The following RXRA variants were observed in gnomAD, a reference collection of about 807,000 sequenced individuals.
RXRA encodes retinoic acid receptor RXR-alpha.
RXRA carries 5 observed loss-of-function variants against 44.5 expected under a neutral mutation model. The observed-to-expected ratio is 0.11, with a 90% CI of 0.06 to 0.24. The LOEUF (loss-of-function observed/expected upper bound fraction) is 0.24, where lower values mean the gene tolerates loss of function less well. Ranked by LOEUF, RXRA falls within the 10% of genes least tolerant of loss-of-function variation. The pLI, the probability that RXRA is intolerant of heterozygous loss-of-function variation, is 1.00. For missense variants in RXRA, 412 were observed against 646.5 expected, an observed-to-expected ratio of 0.64 and a Z score of 3.93; for synonymous variants, 291 against 271.4, an observed-to-expected ratio of 1.07 and a Z score of -0.71.
intron 1 of RXRA, among the ~76,000 whole-genome samples, chr9:134,400,181 A>C (rs1830937186): frequency 6.6e-6 from 1 of 152,216 alleles, no homozygotes; most frequent in Non-Finnish European, 1.5e-5. Context: ...CAGGGTGCAC[A>C]GGAGGCAGAT....
intron 1 of RXRA, among the ~76,000 whole-genome samples, chr9:134,337,796 C>A (rs1032295524): frequency 1.3e-5 from 2 of 152,182 alleles, no homozygotes; most frequent in Non-Finnish European, 2.9e-5. Context: ...CAGCAGTGCG[C>A]CTCCCTCTGG....
At position 134,439,588 on chromosome 9, in the gene RXRA, G is replaced by C. The variant is rs1476455000; in HGVS notation, c.*2974G>C. 2 of 152,404 alleles carry C rather than the reference G, an allele frequency of 1.3e-5. No homozygotes were observed. The highest frequency in any genetic ancestry group is 1.3e-4 in the Admixed American group (2 of 15,296). 9.4% of individuals were successfully genotyped at this position (152,404 alleles called of 1,614,324 possible). ...GGCTGGCGGCCTGGTGGCAGTGCTGGAGATGACCCCGAGCCCCTCCCCGTG... is the reference window on the plus strand; with the variant it reads ...GGCTGGCGGCCTGGTGGCAGTGCTGCAGATGACCCCGAGCCCCTCCCCGTG... On this transcript the variant is annotated 3_prime_UTR_variant, in exon 10 of 10. Coordinates refer to ENST00000481739, the MANE Select transcript of RXRA (RefSeq NM_002957.6).
rs528303814 is a variant in RXRA, at chr9:134,407,531, C to G, written c.280-618C>G. ...GCTTGCCCGGGCGGCAGCGTGCGGG[C>G]CGGCGGGTGGGGCGGAGGGGTGTGC... is the stretch of plus-strand genomic sequence containing the variant. On this transcript the variant is annotated intron_variant, in intron 2 of 9. Transcript: ENST00000481739. This position sits in a 1 kb window ranked among gnomAD's most constrained non-coding sequence, Gnocchi z 4.8. Among the ~76,000 whole-genome samples, 15 of 152,314 alleles carry G rather than the reference C, an allele frequency of 9.8e-5. No individual in the cohort carries two copies. The South Asian group carries it at 3.1e-3, about 32-fold the overall frequency.
At chr9:134,333,881 C>G (rs1554746987) in intron 1 of RXRA, among the ~76,000 whole-genome samples, 1 of 152,180 alleles carries the variant, frequency 6.6e-6, no homozygotes, top group Non-Finnish European at 1.5e-5. Flanking sequence ...TGCCGGGACT[C>G]CCGCTGCCTG....
Position 134,417,415 on chromosome 9 carries a change from C to A in RXRA, c.780+88C>A. 1 of 1,467,270 alleles carries A rather than the reference C, an allele frequency of 6.8e-7. No individual in the cohort carries two copies. The highest frequency in any genetic ancestry group is 9.3e-7 in the Non-Finnish European group (1 of 1,079,286). 90.9% of individuals were successfully genotyped at this position (1,467,270 alleles called of 1,614,324 possible). A position where few individuals can be genotyped will look rare whatever the true frequency, so the allele number is the denominator to read the frequency against. ...CCCTCCCACCTGAGCAGCTGATGAGCCAGAGAGGTCCTGGGGGCTGCCCTG... is the reference window on the plus strand; with the variant it reads ...CCCTCCCACCTGAGCAGCTGATGAGACAGAGAGGTCCTGGGGGCTGCCCTG... On this transcript the variant is annotated intron_variant, in intron 5 of 9. Transcript: ENST00000481739. The surrounding 1 kb of genome is among the most constrained non-coding windows in gnomAD (Gnocchi z 6.1).
intron 6 of RXRA, among the ~76,000 whole-genome samples, chr9:134,428,787 C>T (rs756077133): frequency 3.3e-5 from 5 of 152,230 alleles, no homozygotes; most frequent in Non-Finnish European, 5.9e-5. Flanking sequence ...TGGGTGCTCT[C>T]CCACGTGCTC....
chr9:134,425,931 A>C, intron 6 of RXRA: 1 of 985,398 alleles, frequency 1.0e-6, no homozygotes, highest in Non-Finnish European at 1.2e-6. Flanking sequence ...TGAGACAGGA[A>C]CGTGGCTGAG....
Position 134,342,144 on chromosome 9 carries a change from G to C in RXRA, c.28+15485G>C, listed in dbSNP as rs760581905. Among the ~76,000 whole-genome samples the C allele has an allele frequency of 6.6e-6, 1 of 152,176 alleles. No individual in the cohort carries two copies. The highest frequency in any genetic ancestry group is 1.5e-5 in the Non-Finnish European group (1 of 68,024). The stretch of plus-strand genomic sequence containing the variant: ...GCCCGGGGTGGGGGCTCTCGTGCTG[G>C]CATTTGGTGGGTAGTGAGTTCTGAA... On this transcript the variant is annotated intron_variant, in intron 1 of 9. Transcript: ENST00000481739. The surrounding 1 kb of genome is among the most constrained non-coding windows in gnomAD (Gnocchi z 4.4).
intron 1 of RXRA, among the ~76,000 whole-genome samples, chr9:134,347,580 T>G (rs1830169618): frequency 6.6e-6 from 1 of 152,180 alleles, no homozygotes; most frequent in South Asian, 2.1e-4. Flanking sequence ...GCCAGGGGCC[T>G]GCGTTGATGG....
chr9:134,423,687 T>G, intron 6 of RXRA: 1 of 985,470 alleles, frequency 1.0e-6, no homozygotes, highest in Non-Finnish European at 1.2e-6. Context: ...TGTCTGCCGT[T>G]GCGGGCTCAG....
In RXRA at chr9:134,426,155, CTT is replaced by C. The variant is rs370572746; in HGVS notation, c.911-2951_911-2950del. The C allele has an allele frequency of 1.6e-4, 158 of 985,408 alleles. No individual in the cohort carries two copies. The African/African-American group carries it at 2.1e-3, about 13-fold the overall frequency. The allele number at this position is 985,408 out of a possible 1,614,324, so 61.0% of individuals were successfully genotyped here. A position where few individuals can be genotyped will look rare whatever the true frequency, so the allele number is the denominator to read the frequency against. On this transcript the variant is annotated intron_variant, in intron 6 of 9. Transcript: ENST00000481739. This position sits in a 1 kb window ranked among gnomAD's most constrained non-coding sequence, Gnocchi z 4.6. The stretch of plus-strand genomic sequence containing the variant: ...CAAGGGAGCAGCCCCAGGCAAGACT[CTT>C]TGTCCTGCGCTTGGAGCCTGGAGTA...
At position 134,426,984 on chromosome 9, in the gene RXRA, C is replaced by T. The variant is rs1158465722; in HGVS notation, c.911-2124C>T. The stretch of plus-strand genomic sequence containing the variant: ...TGCCTCTCAGCCTGGGAAAACCTGA[C>T]GGGCTGAGCCGTAGGAGGGGCAGGA... On this transcript the variant is annotated intron_variant, in intron 6 of 9. Transcript: ENST00000481739. The surrounding 1 kb of genome is among the most constrained non-coding windows in gnomAD (Gnocchi z 4.6). 14 of 985,088 alleles carry T rather than the reference C, an allele frequency of 1.4e-5. No homozygotes were observed. In the South Asian group the frequency reaches 3.3e-4, roughly 23 times the overall value. The allele number at this position is 985,088 out of a possible 1,614,324, so 61.0% of individuals were successfully genotyped here.
chr9:134,373,063 C>G (rs926445121), intron 1 of RXRA, among the ~76,000 whole-genome samples: 1 of 152,116 alleles, frequency 6.6e-6, no homozygotes, highest in Non-Finnish European at 1.5e-5. Flanking sequence ...GGGGAGGGGC[C>G]CTGGAGACCA....
intron 7 of RXRA, among the ~76,000 whole-genome samples, chr9:134,431,358 T>C (rs1201134754): frequency 1.3e-5 from 2 of 152,102 alleles, no homozygotes; most frequent in African/African-American, 4.8e-5. Flanking sequence ...GGCTGGTGGA[T>C]TTTTTTTCTC....
intron 4 of RXRA, among the ~76,000 whole-genome samples, chr9:134,410,983 G>A (rs1483561435): frequency 1.3e-5 from 2 of 152,204 alleles, no homozygotes; most frequent in Non-Finnish European, 2.9e-5. Flanking sequence ...CACTGTGGGA[G>A]CCCAGAGGAG....
In RXRA at chr9:134,407,697, C is replaced by T. The variant is rs555865325; in HGVS notation, c.280-452C>T. Among the ~76,000 whole-genome samples, 3 of 152,224 alleles carry T rather than the reference C, an allele frequency of 2.0e-5. No homozygotes were observed. The East Asian group carries it at 5.8e-4, about 30-fold the overall frequency. The stretch of plus-strand genomic sequence containing the variant: ...GGGGGGTCCCCAGCCCTCCTCCGTC[C>T]TGGGAACTGGGCTTCGGCGTCCTCA... On this transcript the variant is annotated intron_variant, in intron 2 of 9. Transcript: ENST00000481739. This position sits in a 1 kb window ranked among gnomAD's most constrained non-coding sequence, Gnocchi z 4.8.
intron 1 of RXRA, among the ~76,000 whole-genome samples, chr9:134,369,912 T>C (rs1034355236): frequency 2.6e-5 from 4 of 152,178 alleles, no homozygotes; most frequent in African/African-American, 7.2e-5. Context: ...GCCCAGCATG[T>C]GTACTGTGTT....
At position 134,417,250 on chromosome 9, in the gene RXRA, A is replaced by G; in HGVS notation, c.703A>G (p.Ile235Val). The G allele has an allele frequency of 6.2e-7, 1 of 1,613,832 alleles. No homozygotes were observed. Among genetic ancestry groups the G allele is most frequent in the Non-Finnish European group, 8.5e-7 (1 of 1,179,966 alleles). Residue 235 changes from isoleucine (I) to valine (V), a missense_variant, in exon 5 of 10, where the codon ATC becomes GTC. Physicochemically the swap from Ile to Val is conservative, Grantham distance 29. Transcript: ENST00000481739. This position sits in a 1 kb window ranked among gnomAD's most constrained non-coding sequence, Gnocchi z 6.1. ...CAACGAGGACATGCCGGTGGAGAGG[A>G]TCCTGGAGGCTGAGCTGGCCGTGGA... Reference protein sequence around the residue: ...SANEDMPVERILEAELAVEPK... With the variant: ...SANEDMPVERVLEAELAVEPK...
At chr9:134,413,071 G>T (rs1307279385) in intron 4 of RXRA, among the ~76,000 whole-genome samples, 2 of 152,098 alleles carry the variant, frequency 1.3e-5, no homozygotes, top group Non-Finnish European at 2.9e-5. Context: ...GGGAGCCCCG[G>T]CTGGGCTCGA....
Sources: allele counts gnomAD v4.1 joint callset (sites outside exome capture counted in the v4.1 genomes callset), GRCh38; gene constraint gnomAD v4.1.1; non-coding constraint Gnocchi (gnomAD v3.1); transcripts MANE v1.5; gene names NCBI Gene and HGNC (gene_info 2026-07-23, HGNC 2026-07-21).